The following THNSL1 variants were observed in gnomAD, a reference collection of about 807,000 sequenced individuals.
THNSL1 encodes threonine synthase like 1.
Under a neutral mutation model 50.4 loss-of-function variants are expected in THNSL1, and 48 were observed. That is an observed-to-expected ratio of 0.95 (90% CI 0.76 to 1.21). THNSL1 has a LOEUF of 1.21. Among genes scored for constraint, THNSL1 ranks in the 50% most tolerant of loss-of-function variants. The pLI is 0.00. For missense variants in THNSL1, 896 were observed against 871.7 expected (o/e 1.03, Z -0.35); for synonymous variants, 309 against 306.1 (o/e 1.01, Z -0.10).
chr10:24,996,456 G>GTGTGTATATATA, the THNSL1 span, among the ~76,000 whole-genome samples: 689 of 149,768 alleles, frequency 4.6e-3, 6 homozygotes, highest in African/African-American at 0.016. Flanking sequence ...GTGTGTGTGT[G>GTGTGTATATATA]TATATATATA....
chr10:24,952,890 G>A, the THNSL1 span, among the ~76,000 whole-genome samples: 1 of 151,794 alleles, frequency 6.6e-6, no homozygotes, highest in Non-Finnish European at 1.5e-5. The surrounding 1 kb of genome is among the most constrained non-coding windows in gnomAD (Gnocchi z 5.1). Flanking sequence ...GCCCCCTGCC[G>A]GATGGTCGCG....
Position 25,023,158 on chromosome 10 carries a change from G to T in THNSL1, c.-48-18G>T. 9 of 1,478,904 alleles carry T rather than the reference G, an allele frequency of 6.1e-6. No individual in the cohort carries two copies. In the Admixed American group the frequency reaches 1.4e-4, roughly 22 times the overall value. The allele number at this position is 1,478,904 out of a possible 1,614,324, so 91.6% of individuals were successfully genotyped here. A position where few individuals can be genotyped will look rare whatever the true frequency, so the allele number is the denominator to read the frequency against. On this transcript the variant is annotated intron_variant, in intron 2 of 2. Coordinates refer to ENST00000376356, the MANE Select transcript of THNSL1 (RefSeq NM_024838.5). ...AATTATCTTTTGTTGTTTTTTGTTT[G>T]TTTTGTGTTTTGAAAAGGGCTAAAG...
the THNSL1 span, among the ~76,000 whole-genome samples, chr10:24,959,410 A>G: frequency 6.6e-6 from 1 of 152,146 alleles, no homozygotes; most frequent in South Asian, 2.1e-4. Flanking sequence ...AGGTTGAGAG[A>G]TGTGGCTTGA....
the THNSL1 span, chr10:24,981,989 G>A: frequency 6.6e-6 from 1 of 151,994 alleles, no homozygotes; most frequent in Non-Finnish European, 1.5e-5. Flanking sequence ...TACATGTTTG[G>A]GTACGATCCA....
Position 25,023,434 on chromosome 10 carries a change from G to A in THNSL1, c.211G>A (p.Val71Ile), listed in dbSNP as rs755298710. Reference sequence around the variant, plus strand: ...ACCTCCTGGTGCTGGGAAAACAACAGTAGGCAGAATAATAGGTCAGAAACT... The same window carrying A: ...ACCTCCTGGTGCTGGGAAAACAACAATAGGCAGAATAATAGGTCAGAAACT... ...MGPPGAGKTT[V>I]GRIIGQKLGC... The change falls in exon 3 of 3, where the codon GTA (valine) becomes ATA (isoleucine). Residue 71 changes from valine to isoleucine, a missense_variant. By Grantham distance (29) the Val-to-Ile change is conservative. Coordinates refer to ENST00000376356, the MANE Select transcript of THNSL1 (RefSeq NM_024838.5). 1 of 1,614,136 alleles carries A rather than the reference G, an allele frequency of 6.2e-7. No homozygotes were observed. The highest frequency in any genetic ancestry group is 1.7e-5 in the Admixed American group (1 of 60,024).
chr10:24,996,456 G>GTATATATATATA, the THNSL1 span, among the ~76,000 whole-genome samples: 13 of 149,704 alleles, frequency 8.7e-5, no homozygotes, highest in Admixed American at 1.3e-4. Context: ...GTGTGTGTGT[G>GTATATATATATA]TATATATATA....
chr10:24,989,859 A>G, the THNSL1 span, among the ~76,000 whole-genome samples: 1 of 152,188 alleles, frequency 6.6e-6, no homozygotes, highest in Non-Finnish European at 1.5e-5. Context: ...AAACGCTCAT[A>G]CAAATGATGA....
At chr10:25,009,568 A>G in the THNSL1 span, among the ~76,000 whole-genome samples, 3 of 152,358 alleles carry the variant, frequency 2.0e-5, no homozygotes, top group Admixed American at 2.0e-4. Context: ...AAGTATTGCT[A>G]TCAGCCTAGA....
At position 25,025,293 on chromosome 10, in the gene THNSL1, T is replaced by C. The variant is rs1452451375; in HGVS notation, c.2070T>C (p.Ser690=). 1 of 1,614,198 alleles carries C rather than the reference T, an allele frequency of 6.2e-7. No individual in the cohort carries two copies. Among genetic ancestry groups the C allele is most frequent in the Admixed American group, 1.7e-5 (1 of 60,018 alleles). The change falls in exon 3 of 3, where the codon AGT becomes AGC. Residue 690 remains serine (S), a synonymous_variant. Coordinates refer to ENST00000376356, the MANE Select transcript of THNSL1 (RefSeq NM_024838.5). Reference sequence around the variant, plus strand: ...AAGAAATCAATGAGACTTCATCAAGTCAGCTCTATTTGCTGGGTTCATACA... The same window carrying C: ...AAGAAATCAATGAGACTTCATCAAGCCAGCTCTATTTGCTGGGTTCATACA... ...KIKEINETSS[S]QLYLLGSYNA...
the THNSL1 span, among the ~76,000 whole-genome samples, chr10:24,987,016 C>A: frequency 6.6e-6 from 1 of 152,210 alleles, no homozygotes; most frequent in Non-Finnish European, 1.5e-5. Flanking sequence ...CGCCCACCCC[C>A]AAACATTCTC....
chr10:24,983,476 T>C, the THNSL1 span: 1 of 152,242 alleles, frequency 6.6e-6, no homozygotes, highest in Non-Finnish European at 1.5e-5. Flanking sequence ...CTGTCACAGC[T>C]GTTAGCCTAC....
chr10:24,990,640 A>T, the THNSL1 span: 1 of 1,580,196 alleles, frequency 6.3e-7, no homozygotes, highest in Admixed American at 1.9e-5. Flanking sequence ...AAAGTAATCA[A>T]TATTTTGTAT....
chr10:25,003,212 C>T, the THNSL1 span, among the ~76,000 whole-genome samples: 56 of 150,532 alleles, frequency 3.7e-4, no homozygotes, highest in Admixed American at 6.6e-4. Flanking sequence ...ATTTTTTGCC[C>T]GCTCTGTTGC....
the THNSL1 span, among the ~76,000 whole-genome samples, chr10:24,988,706 A>ATG: frequency 1.2e-3 from 37 of 32,056 alleles, 2 homozygotes; most frequent in African/African-American, 6.0e-3. Flanking sequence ...ATATATATAT[A>ATG]TATATATATA....
At chr10:25,016,794 G>A (rs1850593377) in intron 1 of THNSL1, 102 bp downstream of exon 1, 1 of 152,538 alleles carries the variant, frequency 6.6e-6, no homozygotes, top group African/African-American at 2.4e-5. Context: ...TCCTTGGTGA[G>A]TTATTGGAGG....
At chr10:25,012,934 G>T (rs1377095187), upstream of THNSL1, among the ~76,000 whole-genome samples, 1 of 152,184 alleles carries the variant, frequency 6.6e-6, no homozygotes, top group African/African-American at 2.4e-5. Flanking sequence ...AAATTGATGA[G>T]ATCCCATAAT....
chr10:25,015,852 C>G, upstream of THNSL1: 1 of 1,597,558 alleles, frequency 6.3e-7, no homozygotes, highest in Non-Finnish European at 8.5e-7. Context: ...CTTTGCTTAT[C>G]CACATACCTA....
the THNSL1 span, among the ~76,000 whole-genome samples, chr10:25,002,498 C>T: frequency 1.3e-5 from 2 of 152,226 alleles, no homozygotes; most frequent in African/African-American, 4.8e-5. Flanking sequence ...CTGGGGCAGT[C>T]GTAGGGCTTG....
At chr10:25,003,151 G>A in the THNSL1 span, among the ~76,000 whole-genome samples, 2 of 151,648 alleles carry the variant, frequency 1.3e-5, no homozygotes, top group East Asian at 1.9e-4. Context: ...TTCAATTTCA[G>A]TGTTTCTTTA....
Sources: gnomAD v4.1 joint callset for allele counts (sites outside exome capture counted in the v4.1 genomes callset) on GRCh38, gnomAD v4.1.1 for gene constraint, Gnocchi (gnomAD v3.1) non-coding constraint, MANE v1.5 for transcripts, NCBI Gene and HGNC (gene_info 2026-07-23, HGNC 2026-07-21) for gene names.